ARL5B: variants seen among roughly 807,000 people sequenced by gnomAD.
ARL5B encodes the protein ADP-ribosylation factor-like protein 5B.
In ARL5B, 10 loss-of-function variants were observed where a neutral mutation model predicts 26.9. The observed-to-expected ratio is 0.37, with a 90% CI of 0.23 to 0.63. The LOEUF (loss-of-function observed/expected upper bound fraction) is 0.63. ARL5B is among the 30% of genes least tolerant of loss of function. ARL5B has a pLI of 0.62. For missense variants in ARL5B, 167 were observed against 213.9 expected (o/e 0.78, Z 1.37); for synonymous variants, 87 against 70.4 (o/e 1.24, Z -1.18).
chr10:18,677,702 A>T lies in ARL5B; in HGVS notation c.*2486A>T, dbSNP rs2059916194. The T allele has an allele frequency of 6.6e-6, 1 of 152,322 alleles. No individual in the cohort carries two copies. Among genetic ancestry groups the T allele is most frequent in the African/African-American group, 2.4e-5 (1 of 41,424 alleles). 9.4% of individuals were successfully genotyped at this position (152,322 alleles called of 1,614,324 possible). ...ACTGTCTAAAAAATGTACATTTGTAATTAGTGCCTTTATTCATATTTTGAA... is the reference window on the plus strand; with the variant it reads ...ACTGTCTAAAAAATGTACATTTGTATTTAGTGCCTTTATTCATATTTTGAA... On this transcript the variant is annotated 3_prime_UTR_variant, in exon 6 of 6. Transcript: ENST00000377275.
chr10:18,674,199 A>G (rs192474284), intron 5 of ARL5B, 64 bp downstream of exon 5: 1 of 1,481,830 alleles, frequency 6.7e-7, no homozygotes, highest in Non-Finnish European at 9.1e-7. Context: ...TTTTAGGCCA[A>G]CTTGTTTTCT....
chr10:18,675,070 G>C, intron 5 of ARL5B, 98 bp from the exon 6 acceptor site: 1 of 1,030,590 alleles, frequency 9.7e-7, no homozygotes, highest in Non-Finnish European at 1.5e-6. Context: ...AATAATGATT[G>C]TGCTACCAGC....
intron 5 of ARL5B, among the ~76,000 whole-genome samples, chr10:18,674,468 A>G (rs527530513): frequency 6.6e-6 from 1 of 152,320 alleles, no homozygotes; most frequent in Non-Finnish European, 1.5e-5. Context: ...AGGAAGCTTG[A>G]AAGAAATTTC....
At chr10:18,661,457 C>G (rs890979663) in intron 1 of ARL5B, among the ~76,000 whole-genome samples, 1 of 152,172 alleles carries the variant, frequency 6.6e-6, no homozygotes, top group African/African-American at 2.4e-5. Context: ...ATCTCCATTT[C>G]TACTTAGAAT....
At chr10:18,664,447 T>C in intron 1 of ARL5B, among the ~76,000 whole-genome samples, 1 of 140,174 alleles carries the variant, frequency 7.1e-6, no homozygotes, top group Admixed American at 7.1e-5. Flanking sequence ...TTTTTTTTTT[T>C]TTTTTTTTGA....
chr10:18,673,721 A>G (rs532665745), intron 4 of ARL5B, among the ~76,000 whole-genome samples: 1 of 152,042 alleles, frequency 6.6e-6, no homozygotes, highest in Non-Finnish European at 1.5e-5. Context: ...TTAGAATATT[A>G]ATTATGTATT....
chr10:18,659,968 C>A (rs1054743257), intron 1 of ARL5B: 27 of 982,738 alleles, frequency 2.7e-5, no homozygotes, highest in Non-Finnish European at 3.3e-5. Flanking sequence ...CTAATGATGC[C>A]AGGAGGCGTA....
At chr10:18,665,416 A>G (rs1249308228) in intron 1 of ARL5B, among the ~76,000 whole-genome samples, 3 of 152,202 alleles carry the variant, frequency 2.0e-5, no homozygotes, top group Non-Finnish European at 4.4e-5. Context: ...CCATAGTGAA[A>G]ATAGCCCTTC....
At chr10:18,674,739 A>T (rs2059903272) in intron 5 of ARL5B, among the ~76,000 whole-genome samples, 1 of 152,186 alleles carries the variant, frequency 6.6e-6, no homozygotes, top group Non-Finnish European at 1.5e-5. Flanking sequence ...TTCTCTTAGT[A>T]TTTATCAGAA....
chr10:18,670,158 T>C (rs1210068326), intron 3 of ARL5B, among the ~76,000 whole-genome samples: 1 of 152,126 alleles, frequency 6.6e-6, no homozygotes, highest in East Asian at 1.9e-4. Flanking sequence ...CAATGCAACG[T>C]GTAAGTAAAC....
chr10:18,659,891 A>G, intron 1 of ARL5B: 5 of 985,322 alleles, frequency 5.1e-6, no homozygotes, highest in Non-Finnish European at 6.0e-6. Context: ...GCAGAAGAGA[A>G]GGTATTTGGC....
At position 18,666,695 on chromosome 10, in the gene ARL5B, TTAA is replaced by T. The variant is rs367761735; in HGVS notation, c.107+64_107+66del. ...GTTATTGAAACTAATGTGTTTACAATTAATAAGAGATGCATTATAATAATGACG... is the reference window on the plus strand; with the variant it reads ...GTTATTGAAACTAATGTGTTTACAATTAAGAGATGCATTATAATAATGACG... On this transcript the variant is annotated intron_variant, in intron 2 of 5. Transcript: ENST00000377275. 4.4e-6 allele frequency: 6 copies of T among 1,367,546 alleles called. No homozygotes were observed. In the South Asian group the frequency reaches 7.1e-5, roughly 16 times the overall value. The allele number at this position is 1,367,546 out of a possible 1,614,324, so 84.7% of individuals were successfully genotyped here. A position where few individuals can be genotyped will look rare whatever the true frequency, so the allele number is the denominator to read the frequency against.
intron 1 of ARL5B, among the ~76,000 whole-genome samples, chr10:18,665,133 G>A (rs1208122091): frequency 6.7e-6 from 1 of 150,220 alleles, no homozygotes. Flanking sequence ...AAAGGTTCTT[G>A]TACTTTAAGG....
At chr10:18,669,257 A>G (rs1353246272) in intron 3 of ARL5B, among the ~76,000 whole-genome samples, 1 of 152,182 alleles carries the variant, frequency 6.6e-6, no homozygotes, top group East Asian at 1.9e-4. Flanking sequence ...ATTCATCTTC[A>G]CAAGATTTTC....
At chr10:18,672,813 T>TA in intron 4 of ARL5B, 108 bp downstream of exon 4, 2 of 618,576 alleles carry the variant, frequency 3.2e-6, no homozygotes, top group Non-Finnish European at 5.4e-6. Context: ...ATTTTATGAT[T>TA]AACACAACTT....
chr10:18,662,946 G>T (rs1024458729), intron 1 of ARL5B, among the ~76,000 whole-genome samples: 1 of 151,122 alleles, frequency 6.6e-6, no homozygotes, highest in African/African-American at 2.4e-5. Context: ...CAGGTAATCC[G>T]CCCGCCTTGG....
intron 5 of ARL5B, 68 bp from the exon 6 acceptor site, chr10:18,675,100 A>G: frequency 6.8e-7 from 1 of 1,471,048 alleles, no homozygotes. Context: ...AGACCTAAAA[A>G]TAATAAGTAC....
intron 3 of ARL5B, 41 bp downstream of exon 3, chr10:18,668,718 T>C: frequency 1.3e-6 from 2 of 1,597,594 alleles, no homozygotes; most frequent in Non-Finnish European, 1.7e-6. Flanking sequence ...CAAAGGTCCC[T>C]AGAGTAAACA....
intron 1 of ARL5B, chr10:18,660,018 C>T (rs2059822070): frequency 1.2e-6 from 1 of 868,010 alleles, no homozygotes. Context: ...GTGCTTGTGT[C>T]TATGTGTATC....
Sources: allele counts gnomAD v4.1 joint callset (sites outside exome capture counted in the v4.1 genomes callset), GRCh38; gene constraint gnomAD v4.1.1; transcripts MANE v1.5; gene names NCBI Gene and HGNC (gene_info 2026-07-23, HGNC 2026-07-21).